ARHGAP40: variants seen among roughly 807,000 people sequenced by gnomAD.
ARHGAP40 encodes the protein rho GTPase-activating protein 40.
Under a neutral mutation model 73.5 loss-of-function variants are expected in ARHGAP40, and 43 were observed. The ratio of observed to expected loss-of-function variants is 0.58; its 90% CI spans 0.46 to 0.75. ARHGAP40 has a LOEUF of 0.75. ARHGAP40 is among the 30% of genes least tolerant of loss of function. The probability of loss-of-function intolerance (pLI) is 0.00; values close to 1 mark genes in which losing one functional copy is unlikely to be tolerated. For missense variants in ARHGAP40, 734 were observed against 861.8 expected (o/e 0.85, Z 1.86); for synonymous variants, 300 against 352.8 (o/e 0.85, Z 1.68).
intron 1 of ARHGAP40, among the ~76,000 whole-genome samples, chr20:38,610,487 C>A (rs569445841): frequency 6.3e-4 from 96 of 152,300 alleles, no homozygotes; most frequent in African/African-American, 2.3e-3. Flanking sequence ...CTCAAGAGGT[C>A]TGAGAAGGTG....
At chr20:38,602,344 A>G (rs1403844981) in intron 1 of ARHGAP40, among the ~76,000 whole-genome samples, 1 of 151,980 alleles carries the variant, frequency 6.6e-6, no homozygotes, top group Non-Finnish European at 1.5e-5. Context: ...GGGGTCACTG[A>G]TTTTCAGATT....
At chr20:38,644,078 A>C (rs1021532983) in intron 11 of ARHGAP40, among the ~76,000 whole-genome samples, 168 bp downstream of exon 11, 1 of 152,074 alleles carries the variant, frequency 6.6e-6, no homozygotes. Context: ...CTTAGTAACC[A>C]AGAAGAAGTG....
chr20:38,634,589 A>G, intron 5 of ARHGAP40, 31 bp from the exon 6 acceptor site: 1 of 1,304,948 alleles, frequency 7.7e-7, no homozygotes, highest in Non-Finnish European at 1.0e-6. Flanking sequence ...ATAGCCTGAC[A>G]AATTGTCTTT....
At chr20:38,639,292 C>T (rs921479866) in exon 9 of ARHGAP40, 35 of 1,305,508 alleles carry the variant, frequency 2.7e-5, no homozygotes, top group Non-Finnish European at 3.5e-5. Flanking sequence ...AGGTTCATCA[C>T]AATGACGCCT....
chr20:38,626,594 C>CA lies in ARHGAP40; in HGVS notation c.338-399dup, dbSNP rs1459691414. ...TATGGAGGACTTCCCAAAGGGACATCAACACCCAGCACCAACTTCCCAAGG... is the reference window on the plus strand; with the variant it reads ...TATGGAGGACTTCCCAAAGGGACATCAAACACCCAGCACCAACTTCCCAAGG... On this transcript the variant is annotated intron_variant, in intron 2 of 14. Coordinates refer to ENST00000373345, the Ensembl canonical transcript of ARHGAP40. 2.0e-5 allele frequency among the ~76,000 whole-genome samples: 3 copies of CA among 152,230 alleles called. No homozygotes were observed. The East Asian group carries it at 5.8e-4, about 29-fold the overall frequency.
In ARHGAP40 at chr20:38,623,378, CG is replaced by C. The variant is rs2088883354; in HGVS notation, c.158del (p.Arg53GlnfsTer46). The stretch of plus-strand genomic sequence containing the variant: ...CTACAGCTCTGGCCCCTCCTCAGGC[CG>C]AATGGATCAGCTTCCCCAGAAGAAT... On this transcript the variant is annotated frameshift_variant, in exon 2 of 15. Transcript: ENST00000373345. LOFTEE classifies it high-confidence loss of function. 1 of 1,290,232 alleles carries C rather than the reference CG, an allele frequency of 7.8e-7. No individual in the cohort carries two copies. Among genetic ancestry groups the C allele is most frequent in the South Asian group, 1.2e-5 (1 of 80,882 alleles). The allele number at this position is 1,290,232 out of a possible 1,614,324, so 79.9% of individuals were successfully genotyped here. A position where few individuals can be genotyped will look rare whatever the true frequency, so the allele number is the denominator to read the frequency against.
At chr20:38,617,894 CA>C (rs1163305762) in intron 1 of ARHGAP40, among the ~76,000 whole-genome samples, 4 of 152,166 alleles carry the variant, frequency 2.6e-5, no homozygotes, top group Non-Finnish European at 4.4e-5. Flanking sequence ...AGTAACTGGC[CA>C]TAGTAAGGGC....
chr20:38,617,194 C>A (rs2088845789), intron 1 of ARHGAP40, among the ~76,000 whole-genome samples: 1 of 152,196 alleles, frequency 6.6e-6, no homozygotes, highest in Non-Finnish European at 1.5e-5. Flanking sequence ...CTCAGCCACA[C>A]CTCCACCGAC....
chr20:38,638,684 A>G (rs2088993403), intron 7 of ARHGAP40, 77 bp from the exon 8 acceptor site: 1 of 1,120,840 alleles, frequency 8.9e-7, no homozygotes, highest in Non-Finnish European at 1.2e-6. Context: ...TCTGATTTTC[A>G]TGGGAGACAA....
exon 3 of ARHGAP40, chr20:38,627,148 C>T: frequency 1.5e-6 from 2 of 1,305,464 alleles, no homozygotes; most frequent in Non-Finnish European, 2.0e-6. Context: ...TATGCTCGCT[C>T]AGTGCGAAGA....
intron 1 of ARHGAP40, among the ~76,000 whole-genome samples, chr20:38,617,278 C>T (rs1032897870): frequency 1.1e-4 from 17 of 152,220 alleles, no homozygotes; most frequent in Admixed American, 1.0e-3. Flanking sequence ...CTCTCGGCTT[C>T]GCTGAGCAGG....
intron 2 of ARHGAP40, 68 bp from the exon 3 acceptor site, chr20:38,626,927 C>A: frequency 8.1e-7 from 1 of 1,230,520 alleles, no homozygotes; most frequent in Non-Finnish European, 1.1e-6. Context: ...CTATGCAGAA[C>A]TTTGGTTAGC....
At chr20:38,648,694 T>C in exon 14 of ARHGAP40, 1 of 1,305,726 alleles carries the variant, frequency 7.7e-7, no homozygotes, top group Non-Finnish European at 1.0e-6. Context: ...TTGGAGGGAA[T>C]ATCAGTAAGT....
chr20:38,627,224 C>T lies in ARHGAP40; in HGVS notation c.558+9C>T. 7.7e-7 allele frequency: 1 copy of T among 1,304,512 alleles called. No homozygotes were observed. Among genetic ancestry groups the T allele is most frequent in the Non-Finnish European group, 1.0e-6 (1 of 988,298 alleles). The allele number at this position is 1,304,512 out of a possible 1,614,324, so 80.8% of individuals were successfully genotyped here. A position where few individuals can be genotyped will look rare whatever the true frequency, so the allele number is the denominator to read the frequency against. ...GGGTCTTCAATTCAGGGGTAAGTGG[C>T]ATATGGGTCATTGCAGGCCCCGTCT... On this transcript the variant is annotated intron_variant, in intron 3 of 14. Coordinates refer to ENST00000373345, the Ensembl canonical transcript of ARHGAP40.
Position 38,646,958 on chromosome 20 carries a change from C to T in ARHGAP40, c.1712C>T (p.Thr571Ile), listed in dbSNP as rs772132046. The stretch of plus-strand genomic sequence containing the variant: ...ATCTTTCTCTCTCTCTCTCTGCAGA[C>T]TCCCAAGGTGGCAAAGATCCAGGTG... The change falls in exon 13 of 15, where the codon ACT becomes ATT. Residue 571 changes from threonine (T) to isoleucine (I), a missense_variant and splice_region_variant. Transcript: ENST00000373345. This position sits in a 1 kb window ranked among gnomAD's most constrained non-coding sequence, Gnocchi z 4.5. 7.7e-7 allele frequency: 1 copy of T among 1,304,916 alleles called. No homozygotes were observed. Among genetic ancestry groups the T allele is most frequent in the South Asian group, 1.2e-5 (1 of 80,974 alleles). 80.8% of individuals were successfully genotyped at this position (1,304,916 alleles called of 1,614,324 possible).
exon 6 of ARHGAP40, chr20:38,634,693 T>C: frequency 7.7e-7 from 1 of 1,305,392 alleles, no homozygotes. Flanking sequence ...ATGAGGAAGG[T>C]ACCTTCTCTG....
chr20:38,612,046 TTA>T (rs1249408978), intron 1 of ARHGAP40, among the ~76,000 whole-genome samples: 4 of 152,184 alleles, frequency 2.6e-5, no homozygotes, highest in Admixed American at 2.6e-4. Context: ...TATGATCAAA[TTA>T]ACAACATTAA....
At chr20:38,627,067 G>A in exon 3 of ARHGAP40, 1 of 1,305,392 alleles carries the variant, frequency 7.7e-7, no homozygotes, top group Non-Finnish European at 1.0e-6. Context: ...GGCTTGGATG[G>A]TGATCACCAG....
At position 38,650,512 on chromosome 20, in the gene ARHGAP40, C is replaced by T. The variant is rs144025749; in HGVS notation, c.*664C>T. 8.2e-4 allele frequency: 382 copies of T among 468,316 alleles called. 1 individual carries two copies. Among genetic ancestry groups the T allele is most frequent in the South Asian group, 1.8e-3 (117 of 64,300 alleles). The allele number at this position is 468,316 out of a possible 1,614,324, so 29.0% of individuals were successfully genotyped here. ...CCAAGATTGTAGCCATGACCAGCCC[C>T]GGGAGAAATGGACAGAGGAAGACTT... is the stretch of plus-strand genomic sequence containing the variant. On this transcript the variant is annotated 3_prime_UTR_variant, in exon 15 of 15. Coordinates refer to ENST00000373345, the Ensembl canonical transcript of ARHGAP40.
Sources: gnomAD v4.1 joint callset for allele counts (sites outside exome capture counted in the v4.1 genomes callset) on GRCh38, gnomAD v4.1.1 for gene constraint, Gnocchi (gnomAD v3.1) non-coding constraint, MANE v1.5 for transcripts, NCBI Gene and HGNC (gene_info 2026-07-23, HGNC 2026-07-21) for gene names.